Variants in NLN observed in about 807,000 individuals in gnomAD.
NLN encodes neurolysin.
Under a neutral mutation model 79.9 loss-of-function variants are expected in NLN, and 64 were observed. The ratio of observed to expected loss-of-function variants is 0.80; its 90% CI spans 0.65 to 0.99. NLN has a LOEUF of 0.99. NLN is among the 50% of genes least tolerant of loss of function. NLN has a pLI of 0.00. For synonymous variants in NLN, 267 were observed against 296.6 expected (o/e 0.90, Z 1.02); for missense variants, 835 against 858.7 (o/e 0.97, Z 0.34).
chr5:65,813,307 T>A (rs1235929714), intron 12 of NLN, among the ~76,000 whole-genome samples: 1 of 147,584 alleles, frequency 6.8e-6, no homozygotes, highest in Non-Finnish European at 1.5e-5. Context: ...GTCCTTGTAA[T>A]TCTTTTTCCA....
At chr5:65,734,493 C>T (rs1158920350) in intron 1 of NLN, among the ~76,000 whole-genome samples, 2 of 88,958 alleles carry the variant, frequency 2.2e-5, no homozygotes, top group African/African-American at 4.5e-5. Flanking sequence ...GAGTTACCCT[C>T]GCACGGATGG....
chr5:65,782,244 A>G (rs1211260397), intron 6 of NLN, among the ~76,000 whole-genome samples: 2 of 152,128 alleles, frequency 1.3e-5, no homozygotes, highest in Admixed American at 6.6e-5. Context: ...GTTTTTGTCC[A>G]TTATCCTTGA....
At chr5:65,788,963 C>A (rs1183299825) in intron 8 of NLN, among the ~76,000 whole-genome samples, 5 of 144,312 alleles carry the variant, frequency 3.5e-5, no homozygotes, top group African/African-American at 8.4e-5. Context: ...CAGAGTGAGA[C>A]CCTGTCTCAA....
chr5:65,732,021 G>A (rs924012730), intron 1 of NLN, among the ~76,000 whole-genome samples: 2 of 152,008 alleles, frequency 1.3e-5, no homozygotes, highest in African/African-American at 2.4e-5. Context: ...AAAGTGCTAC[G>A]ATTACAGGCA....
At chr5:65,818,562 T>A (rs1332819456) in intron 12 of NLN, among the ~76,000 whole-genome samples, 8 of 152,330 alleles carry the variant, frequency 5.3e-5, no homozygotes, top group Middle Eastern at 3.4e-3. Context: ...CAGCACCAGT[T>A]TTTTTCTCTC....
At chr5:65,744,373 T>C (rs1758929485) in intron 1 of NLN, among the ~76,000 whole-genome samples, 1 of 152,242 alleles carries the variant, frequency 6.6e-6, no homozygotes, top group Admixed American at 6.5e-5. Flanking sequence ...GTAATAACTT[T>C]GTCTTATTCA....
chr5:65,728,536 A>G (rs1215826772), intron 1 of NLN, among the ~76,000 whole-genome samples: 2 of 152,178 alleles, frequency 1.3e-5, no homozygotes, highest in African/African-American at 2.4e-5. Context: ...ATCTTATTCT[A>G]TTCTAAAAAC....
Position 65,828,203 on chromosome 5 carries a change from G to C in NLN, c.*5288G>C, listed in dbSNP as rs1021247793. On this transcript the variant is annotated 3_prime_UTR_variant, in exon 13 of 13. Coordinates refer to ENST00000380985, the MANE Select transcript of NLN (RefSeq NM_020726.5). Reference sequence around the variant, plus strand: ...TATCAGCTCATGGTACAGCACACCGGGGGAGGGGGACGGGAGGCGAGAACT... The same window carrying C: ...TATCAGCTCATGGTACAGCACACCGCGGGAGGGGGACGGGAGGCGAGAACT... 4.6e-5 allele frequency: 7 copies of C among 152,184 alleles called. No homozygotes were observed. Among genetic ancestry groups the C allele is most frequent in the Non-Finnish European group, 1.5e-5 (1 of 68,076 alleles). 9.4% of individuals were successfully genotyped at this position (152,184 alleles called of 1,614,324 possible).
intron 7 of NLN, 50 bp downstream of exon 7, chr5:65,785,960 C>G (rs1227555887): frequency 6.4e-7 from 1 of 1,550,904 alleles, no homozygotes; most frequent in Middle Eastern, 1.7e-4. Flanking sequence ...CCATGTCAAC[C>G]AGACAGAAGG....
intron 12 of NLN, among the ~76,000 whole-genome samples, chr5:65,821,981 T>C (rs994989820): frequency 6.6e-5 from 10 of 152,230 alleles, no homozygotes; most frequent in Admixed American, 5.2e-4. Context: ...GATATAAATT[T>C]AAGTGTTACT....
At chr5:65,771,609 C>CT (rs1156523252) in intron 3 of NLN, among the ~76,000 whole-genome samples, 1 of 152,136 alleles carries the variant, frequency 6.6e-6, no homozygotes, top group Non-Finnish European at 1.5e-5. Flanking sequence ...AATAGGAAAG[C>CT]TTTAATGTTA....
intron 9 of NLN, 147 bp from the exon 10 acceptor site, chr5:65,809,368 A>T (rs1483593808): frequency 1.6e-6 from 1 of 625,270 alleles, no homozygotes; most frequent in Non-Finnish European, 2.7e-6. Flanking sequence ...TTTTATTTTC[A>T]CTTGACTATG....
chr5:65,777,427 GA>G lies in NLN; in HGVS notation c.454del (p.Thr152ProfsTer7). Reference protein sequence around the residue: ...DIFERIVHLQETCDLGKIKPE... With the variant: ...DIFERIVHLQXTCDLGKIKPE... The stretch of plus-strand genomic sequence containing the variant: ...TGGTTTTCATGCTCTTTAATTTCAG[GA>G]AACCTGTGATCTGGGGAAGATAAAA... On this transcript the variant is annotated frameshift_variant and splice_region_variant, in exon 4 of 13. Coordinates refer to ENST00000380985, the MANE Select transcript of NLN (RefSeq NM_020726.5). LOFTEE classifies it high-confidence loss of function. 1 of 1,597,494 alleles carries G rather than the reference GA, an allele frequency of 6.3e-7. No homozygotes were observed. Among genetic ancestry groups the G allele is most frequent in the Non-Finnish European group, 8.6e-7 (1 of 1,165,860 alleles).
At chr5:65,797,678 G>A (rs2150767255) in intron 9 of NLN, among the ~76,000 whole-genome samples, 1 of 152,326 alleles carries the variant, frequency 6.6e-6, no homozygotes, top group South Asian at 2.1e-4. Flanking sequence ...ATTTGGAAAA[G>A]CATAAGGAGC....
chr5:65,804,271 T>C (rs1263063825), intron 9 of NLN, among the ~76,000 whole-genome samples: 2 of 152,244 alleles, frequency 1.3e-5, no homozygotes, highest in African/African-American at 2.4e-5. Flanking sequence ...TGCTTTAGTT[T>C]CCTTATCTCA....
chr5:65,788,205 G>C lies in NLN; in HGVS notation c.1046G>C (p.Gly349Ala), dbSNP rs767025874. 6 of 1,614,074 alleles carry C rather than the reference G, an allele frequency of 3.7e-6. No individual in the cohort carries two copies. The highest frequency in any genetic ancestry group is 3.3e-5 in the Admixed American group (2 of 60,014). ...AAGAAAAAGGAATGCAAAGACAGGG[G>C]TTTTGAATATGATGGGAAAATCAAT... ...NLKKKECKDR[G>A]FEYDGKINAW... The change falls in exon 8 of 13, where the codon GGT becomes GCT. Residue 349 changes from glycine (G) to alanine (A), a missense_variant. Gly to Ala is a moderately conservative substitution (Grantham distance 60, BLOSUM62 0). Transcript: ENST00000380985.
intron 3 of NLN, among the ~76,000 whole-genome samples, chr5:65,777,006 T>G (rs529264322): frequency 3.6e-4 from 55 of 152,338 alleles, no homozygotes; most frequent in African/African-American, 1.3e-3. Flanking sequence ...AATTTACCCA[T>G]TATTTCTATT....
intron 1 of NLN, among the ~76,000 whole-genome samples, chr5:65,749,102 C>T (rs548418504): frequency 6.6e-6 from 1 of 152,344 alleles, no homozygotes; most frequent in Non-Finnish European, 1.5e-5. Context: ...TCTCCTTCTG[C>T]TATGATTGTG....
At chr5:65,817,212 T>A (rs191213354) in intron 12 of NLN, among the ~76,000 whole-genome samples, 33 of 152,376 alleles carry the variant, frequency 2.2e-4, no homozygotes, top group African/African-American at 3.8e-4. Context: ...TGTAGTTTTT[T>A]AAATATTGTT....
Sources: gnomAD v4.1 joint callset for allele counts (sites outside exome capture counted in the v4.1 genomes callset) on GRCh38, gnomAD v4.1.1 for gene constraint, MANE v1.5 for transcripts, NCBI Gene and HGNC (gene_info 2026-07-23, HGNC 2026-07-21) for gene names.